Variants in GNA15 observed in about 807,000 individuals in gnomAD.
GNA15 encodes the protein guanine nucleotide-binding protein subunit alpha-15.
GNA15 carries 23 observed loss-of-function variants against 40.1 expected under a neutral mutation model. The observed-to-expected ratio is 0.57, with a 90% CI of 0.41 to 0.81. The LOEUF (loss-of-function observed/expected upper bound fraction) is 0.81, where lower values mean the gene tolerates loss of function less well. Among genes scored for constraint, GNA15 ranks in the 40% least tolerant of loss-of-function variants. GNA15 has a pLI of 0.00. For missense variants in GNA15, 522 were observed against 515.8 expected (o/e 1.01, Z -0.12); for synonymous variants, 226 against 210.4 (o/e 1.07, Z -0.64).
At chr19:3,156,177 C>A (rs1406134006) in intron 5 of GNA15, among the ~76,000 whole-genome samples, 2 of 149,894 alleles carry the variant, frequency 1.3e-5, no homozygotes, top group African/African-American at 4.9e-5. Flanking sequence ...CACACACACA[C>A]ACACACACAC....
chr19:3,162,925 C>T lies in GNA15; in HGVS notation c.1031C>T (p.Thr344Ile), dbSNP rs2144866959. The stretch of plus-strand genomic sequence containing the variant: ...TCCCGACGCCTCTTCAGCCACTACA[C>T]ATGTGCCACAGACACACAGAACATC... ...ARSRRLFSHY[T>I]CATDTQNIRK... Residue 344 changes from threonine to isoleucine, a missense_variant, in exon 7 of 7, where the codon ACA (threonine) becomes ATA (isoleucine). By Grantham distance (89) the Thr-to-Ile change is moderately conservative. Coordinates refer to ENST00000262958, the MANE Select transcript of GNA15 (RefSeq NM_002068.4). The T allele has an allele frequency of 1.9e-6, 3 of 1,613,960 alleles. No individual in the cohort carries two copies. The highest frequency in any genetic ancestry group is 4.5e-5 in the East Asian group (2 of 44,878).
chr19:3,141,787 C>G (rs1914582274), intron 1 of GNA15: 1 of 153,212 alleles, frequency 6.5e-6, no homozygotes. Context: ...CAAGGTCACA[C>G]AGCTGAGACT....
chr19:3,154,223 G>C (rs917690953), intron 4 of GNA15, among the ~76,000 whole-genome samples: 1 of 148,966 alleles, frequency 6.7e-6, no homozygotes. Context: ...GTGGATGGAT[G>C]GATGAATGAA....
In GNA15 at chr19:3,147,880, T is replaced by C. The variant is rs752663866; in HGVS notation, c.146-711T>C. Among the ~76,000 whole-genome samples the C allele has an allele frequency of 1.0e-2, 934 of 93,830 alleles. 7 individuals are homozygous for C. The highest frequency in any genetic ancestry group is 0.014 in the Non-Finnish European group (716 of 51,248). 61.6% of individuals were successfully genotyped at this position (93,830 alleles called of 152,430 possible). ...TCCAGCCTGGGTGACAGAGCAAGAC[T>C]CCATCTCAAAAAAAAAAAAAAAAAG... is the stretch of plus-strand genomic sequence containing the variant. On this transcript the variant is annotated intron_variant, in intron 1 of 6. Coordinates refer to ENST00000262958, the MANE Select transcript of GNA15 (RefSeq NM_002068.4).
At chr19:3,140,343 G>T (rs139396163) in intron 1 of GNA15, among the ~76,000 whole-genome samples, 1 of 151,974 alleles carries the variant, frequency 6.6e-6, no homozygotes, top group Non-Finnish European at 1.5e-5. Flanking sequence ...TCTTGGTATC[G>T]ATCATTTCTG....
chr19:3,147,714 G>T (rs189922900), intron 1 of GNA15, among the ~76,000 whole-genome samples: 1 of 151,486 alleles, frequency 6.6e-6, no homozygotes, highest in South Asian at 2.1e-4. Flanking sequence ...GTGAAACCCC[G>T]TCTCTACTAA....
At chr19:3,156,217 C>T (rs1915013612) in intron 5 of GNA15, among the ~76,000 whole-genome samples, 1 of 149,880 alleles carries the variant, frequency 6.7e-6, no homozygotes, top group Non-Finnish European at 1.5e-5. Context: ...AGTGCACACA[C>T]GCACATACAC....
At chr19:3,153,498 G>A (rs866738785) in intron 4 of GNA15, among the ~76,000 whole-genome samples, 12 of 151,132 alleles carry the variant, frequency 7.9e-5, no homozygotes, top group Middle Eastern at 3.2e-3. Context: ...GGTTAGATGG[G>A]TGGATGGGTG....
intron 6 of GNA15, among the ~76,000 whole-genome samples, chr19:3,161,908 C>T (rs913482091): frequency 8.6e-5 from 13 of 151,332 alleles, no homozygotes; most frequent in Admixed American, 7.9e-4. Flanking sequence ...TGGCGGGGGC[C>T]TGTCATCCCA....
At chr19:3,154,829 A>G (rs1199336259) in intron 4 of GNA15, among the ~76,000 whole-genome samples, 1 of 151,940 alleles carries the variant, frequency 6.6e-6, no homozygotes, top group Non-Finnish European at 1.5e-5. Context: ...GAGGCTGGGA[A>G]ATCATGGGGA....
chr19:3,138,968 T>C (rs12973586), intron 1 of GNA15, among the ~76,000 whole-genome samples: 2 of 121,400 alleles, frequency 1.6e-5, no homozygotes, highest in Non-Finnish European at 3.5e-5. Context: ...TTTTTTTAGA[T>C]TGAGTCTTGC....
intron 1 of GNA15, chr19:3,142,253 C>G (rs979194513): frequency 6.6e-6 from 1 of 152,082 alleles, no homozygotes; most frequent in African/African-American, 2.4e-5. Context: ...TATCCAGGAG[C>G]TGGGGGATGT....
intron 3 of GNA15, among the ~76,000 whole-genome samples, chr19:3,150,848 G>A (rs1385665790): frequency 4.0e-5 from 6 of 150,534 alleles, no homozygotes; most frequent in East Asian, 2.0e-4. Flanking sequence ...CCCTGTTCCC[G>A]TGAGGACCCT....
chr19:3,139,701 C>T (rs1390441577), intron 1 of GNA15, among the ~76,000 whole-genome samples: 1 of 151,684 alleles, frequency 6.6e-6, no homozygotes, highest in Non-Finnish European at 1.5e-5. Flanking sequence ...AGGTTGAGAA[C>T]ATCCTGGCTA....
chr19:3,160,557 C>G (rs188021880), intron 6 of GNA15, among the ~76,000 whole-genome samples: 2 of 152,328 alleles, frequency 1.3e-5, no homozygotes, highest in African/African-American at 2.4e-5. Flanking sequence ...GACTCCATCT[C>G]TTGAAGGCAG....
chr19:3,139,179 C>T (rs924561852), intron 1 of GNA15, among the ~76,000 whole-genome samples: 4 of 151,292 alleles, frequency 2.6e-5, no homozygotes, highest in East Asian at 2.0e-4. Context: ...CCCCTGACCT[C>T]AGGTGATCCT....
intron 1 of GNA15, among the ~76,000 whole-genome samples, chr19:3,143,566 C>T (rs13344664): frequency 0.031 from 4,753 of 151,984 alleles, 125 homozygotes; most frequent in African/African-American, 0.07. Context: ...GCAGGAGAAT[C>T]GCTTGAAACC....
intron 1 of GNA15, among the ~76,000 whole-genome samples, chr19:3,147,954 G>A (rs548848487): frequency 6.6e-6 from 1 of 151,392 alleles, no homozygotes. Flanking sequence ...GCCACACAAA[G>A]ATAACTGGAT....
Position 3,150,128 on chromosome 19 carries a change from C to A in GNA15, c.331-3C>A. On this transcript the variant is annotated splice_polypyrimidine_tract_variant and splice_region_variant and intron_variant, in intron 2 of 6. Coordinates refer to ENST00000262958, the MANE Select transcript of GNA15 (RefSeq NM_002068.4). Reference sequence around the variant, plus strand: ...CCTAACTGCCCCCGTCCTCCCTCCCCAGCACCACGCTAGCCTGGTCATGAG... The same window carrying A: ...CCTAACTGCCCCCGTCCTCCCTCCCAAGCACCACGCTAGCCTGGTCATGAG... The A allele has an allele frequency of 6.2e-7, 1 of 1,612,142 alleles. No homozygotes were observed. Among genetic ancestry groups the A allele is most frequent in the Non-Finnish European group, 8.5e-7 (1 of 1,179,394 alleles).
Sources: gnomAD v4.1 joint callset for allele counts (sites outside exome capture counted in the v4.1 genomes callset) on GRCh38, gnomAD v4.1.1 for gene constraint, MANE v1.5 for transcripts, NCBI Gene and HGNC (gene_info 2026-07-23, HGNC 2026-07-21) for gene names.